PLPPR1: variants seen among roughly 807,000 people sequenced by gnomAD.
PLPPR1 encodes phospholipid phosphatase related 1.
Under a neutral mutation model 33.1 loss-of-function variants are expected in PLPPR1, and 10 were observed. The ratio of observed to expected loss-of-function variants is 0.30; its 90% CI spans 0.19 to 0.51. The LOEUF (loss-of-function observed/expected upper bound fraction) is 0.51. Ranked by LOEUF, PLPPR1 falls within the 20% of genes least tolerant of loss-of-function variation. PLPPR1 has a pLI of 0.97. For synonymous variants in PLPPR1, 151 were observed against 151.0 expected (o/e 1.00, Z 0.00); for missense variants, 304 against 408.1 (o/e 0.74, Z 2.20).
chr9:101,079,412 TTTG>T (rs934353223), intron 1 of PLPPR1, among the ~76,000 whole-genome samples: 11 of 152,134 alleles, frequency 7.2e-5, no homozygotes, highest in African/African-American at 2.2e-4. Context: ...GAGGGAAGGT[TTTG>T]TTGTTGTTGT....
chr9:101,183,642 G>A (rs900935523), intron 1 of PLPPR1, among the ~76,000 whole-genome samples: 1 of 151,508 alleles, frequency 6.6e-6, no homozygotes, highest in Non-Finnish European at 1.5e-5. Context: ...CTTAAAATGA[G>A]TGAATTGGTA....
Position 101,185,842 on chromosome 9 carries a change from C to T in PLPPR1, c.63+285C>T, listed in dbSNP as rs573906441. Among the ~76,000 whole-genome samples the T allele has an allele frequency of 7.3e-5, 11 of 151,542 alleles. No individual in the cohort carries two copies. In the East Asian group the frequency reaches 1.6e-3, roughly 21 times the overall value. On this transcript the variant is annotated intron_variant, in intron 2 of 7. Coordinates refer to ENST00000374874, the MANE Select transcript of PLPPR1 (RefSeq NM_207299.2). Reference sequence around the variant, plus strand: ...TGTTTTATTATATTTCTTCTATTTTCGACAATGATGTGAATGTTAACTATG... The same window carrying T: ...TGTTTTATTATATTTCTTCTATTTTTGACAATGATGTGAATGTTAACTATG...
intron 1 of PLPPR1, among the ~76,000 whole-genome samples, chr9:101,174,658 T>A (rs1444754346): frequency 1.3e-5 from 2 of 152,208 alleles, no homozygotes; most frequent in African/African-American, 4.8e-5. Flanking sequence ...TACTTTGTAA[T>A]GGGTAATTAT....
At chr9:101,096,875 G>A (rs1432318259) in intron 1 of PLPPR1, among the ~76,000 whole-genome samples, 1 of 151,702 alleles carries the variant, frequency 6.6e-6, no homozygotes, top group Non-Finnish European at 1.5e-5. Flanking sequence ...AAGCACTCTG[G>A]GTAACATAGT....
At chr9:101,070,105 C>A (rs182242317) in intron 1 of PLPPR1, among the ~76,000 whole-genome samples, 1 of 152,026 alleles carries the variant, frequency 6.6e-6, no homozygotes, top group African/African-American at 2.4e-5. Context: ...GTCCCTACCC[C>A]CTTCCGTACT....
At position 101,092,085 on chromosome 9, in the gene PLPPR1, T is replaced by G. The variant is rs570733702; in HGVS notation, c.-46+62983T>G. 8.5e-5 allele frequency among the ~76,000 whole-genome samples: 13 copies of G among 152,274 alleles called. No homozygotes were observed. The South Asian group carries it at 2.7e-3, about 32-fold the overall frequency. On this transcript the variant is annotated intron_variant, in intron 1 of 7. Coordinates refer to ENST00000374874, the MANE Select transcript of PLPPR1 (RefSeq NM_207299.2). ...ATTTCAGCTGCTTCTGAACTTCATC[T>G]TCCTCCAGCACAACATGCTCTCTCT...
intron 7 of PLPPR1, among the ~76,000 whole-genome samples, chr9:101,319,348 T>C (rs1829112563): frequency 6.6e-6 from 1 of 152,186 alleles, no homozygotes. Flanking sequence ...GGCTACTTTC[T>C]TGTATTTTTA....
chr9:101,245,589 A>G (rs77162250), intron 2 of PLPPR1, among the ~76,000 whole-genome samples: 11,094 of 151,984 alleles, frequency 0.073, 1,323 homozygotes, highest in African/African-American at 0.25. Flanking sequence ...CTTACACTAT[A>G]TATTTTTTCT....
At chr9:101,058,281 A>G (rs1307005523) in intron 1 of PLPPR1, among the ~76,000 whole-genome samples, 2 of 148,630 alleles carry the variant, frequency 1.3e-5, no homozygotes, top group African/African-American at 4.9e-5. Flanking sequence ...GTACCATGTG[A>G]TGATGAGAAC....
intron 1 of PLPPR1, among the ~76,000 whole-genome samples, chr9:101,130,476 T>C (rs949951977): frequency 3.4e-4 from 51 of 152,196 alleles, no homozygotes; most frequent in Non-Finnish European, 6.6e-4. Flanking sequence ...AAAAACTAAT[T>C]AGATTAAATG....
intron 2 of PLPPR1, among the ~76,000 whole-genome samples, chr9:101,238,299 AT>A (rs946357740): frequency 7.3e-5 from 10 of 136,590 alleles, no homozygotes; most frequent in Non-Finnish European, 6.4e-5. Context: ...TACCCTATAT[AT>A]ATATAGGGTA....
intron 2 of PLPPR1, among the ~76,000 whole-genome samples, chr9:101,260,659 A>C (rs1169780054): frequency 6.6e-6 from 1 of 152,164 alleles, no homozygotes; most frequent in Non-Finnish European, 1.5e-5. Context: ...GTTCCAGTTT[A>C]GACTTGTGGC....
intron 4 of PLPPR1, among the ~76,000 whole-genome samples, chr9:101,292,633 CG>C (rs950894106): frequency 1.7e-4 from 9 of 52,296 alleles, no homozygotes; most frequent in Admixed American, 8.9e-4. Context: ...TTGGGCGGGG[CG>C]GGGGGGGCCA....
rs553873379 is a variant in PLPPR1 at position 101,213,586 on chromosome 9, T to C, written c.63+28029T>C. On this transcript the variant is annotated intron_variant, in intron 2 of 7. Transcript: ENST00000374874. ...TCATGTCCATTATCTGGAGCAATCA[T>C]GGGAAAACCTATGACCACCTGAGTC... Among the ~76,000 whole-genome samples the C allele has an allele frequency of 6.4e-4, 97 of 152,196 alleles. 1 individual carries two copies. Among genetic ancestry groups the C allele is most frequent in the Non-Finnish European group, 1.3e-3 (86 of 68,020 alleles).
At chr9:101,180,094 T>TTATATATATATA (rs71507977) in intron 1 of PLPPR1, among the ~76,000 whole-genome samples, 1 of 62,024 alleles carries the variant, frequency 1.6e-5, no homozygotes, top group Non-Finnish European at 3.1e-5. Flanking sequence ...AAACTCTCCT[T>TTATATATATATA]TATATATATA....
chr9:101,078,339 A>C (rs1167471240), intron 1 of PLPPR1, among the ~76,000 whole-genome samples: 1 of 151,594 alleles, frequency 6.6e-6, no homozygotes. Flanking sequence ...TAGAATGCAG[A>C]AAACCCTGGG....
chr9:101,242,667 A>G (rs552343339), intron 2 of PLPPR1, among the ~76,000 whole-genome samples: 27 of 152,154 alleles, frequency 1.8e-4, no homozygotes, highest in Non-Finnish European at 3.8e-4. Context: ...CACTGCCTAT[A>G]TGTTCTAGAA....
intron 2 of PLPPR1, among the ~76,000 whole-genome samples, chr9:101,249,464 G>A (rs1827676897): frequency 6.6e-6 from 1 of 152,054 alleles, no homozygotes; most frequent in Admixed American, 6.6e-5. Context: ...AAGATCAACA[G>A]GAAAGAGTCC....
intron 2 of PLPPR1, among the ~76,000 whole-genome samples, chr9:101,264,966 T>C (rs921266765): frequency 6.6e-6 from 1 of 152,180 alleles, no homozygotes; most frequent in Non-Finnish European, 1.5e-5. Flanking sequence ...CACACAGGCT[T>C]ACATGAGTCA....
Sources: gnomAD v4.1 joint callset for allele counts (sites outside exome capture counted in the v4.1 genomes callset) on GRCh38, gnomAD v4.1.1 for gene constraint, MANE v1.5 for transcripts, NCBI Gene and HGNC (gene_info 2026-07-23, HGNC 2026-07-21) for gene names.